The following FNDC3B variants were observed in gnomAD, a reference collection of about 807,000 sequenced individuals.
FNDC3B encodes fibronectin type III domain containing 3B.
FNDC3B carries 12 observed loss-of-function variants against 151.5 expected under a neutral mutation model. That is an observed-to-expected ratio of 0.08 (90% CI 0.05 to 0.13). The LOEUF (loss-of-function observed/expected upper bound fraction) is 0.13. Among genes scored for constraint, FNDC3B ranks in the 10% least tolerant of loss-of-function variants. The probability of loss-of-function intolerance (pLI) is 1.00; values close to 1 mark genes in which losing one functional copy is unlikely to be tolerated. For synonymous variants in FNDC3B, 528 were observed against 549.0 expected, an observed-to-expected ratio of 0.96 and a Z score of 0.54; for missense variants, 1,214 against 1,505.3, an observed-to-expected ratio of 0.81 and a Z score of 3.20.
chr3:172,177,411 T>C (rs1215362378), intron 3 of FNDC3B, among the ~76,000 whole-genome samples: 1 of 152,206 alleles, frequency 6.6e-6, no homozygotes, highest in African/African-American at 2.4e-5. Context: ...TTTGTAGTTG[T>C]AAAACTTTGC....
chr3:172,178,261 G>T (rs1723711706), intron 3 of FNDC3B, among the ~76,000 whole-genome samples: 1 of 152,084 alleles, frequency 6.6e-6, no homozygotes, highest in South Asian at 2.1e-4. Flanking sequence ...AGGCTAAAGT[G>T]TCACTCCAGC....
intron 2 of FNDC3B, among the ~76,000 whole-genome samples, chr3:172,132,048 G>A (rs1040284876): frequency 6.6e-6 from 1 of 152,196 alleles, no homozygotes; most frequent in Non-Finnish European, 1.5e-5. Context: ...GATTGCAGTT[G>A]TAAATTCTAG....
chr3:172,348,472 T>C (rs1733708672), intron 21 of FNDC3B, among the ~76,000 whole-genome samples: 1 of 152,188 alleles, frequency 6.6e-6, no homozygotes, highest in Admixed American at 6.5e-5. Flanking sequence ...CAGCAAATTG[T>C]CTGATATTTA....
chr3:172,365,460 A>C (rs2108347695), intron 23 of FNDC3B, among the ~76,000 whole-genome samples: 1 of 152,312 alleles, frequency 6.6e-6, no homozygotes, highest in South Asian at 2.1e-4. Context: ...AGGCTCTCAA[A>C]GATATTTTTT....
intron 16 of FNDC3B, among the ~76,000 whole-genome samples, chr3:172,339,090 T>C (rs975563808): frequency 2.6e-5 from 4 of 152,128 alleles, no homozygotes; most frequent in South Asian, 2.1e-4. Context: ...ACAGAGAGCA[T>C]TGATAAAACT....
chr3:172,048,660 C>G (rs780033361), intron 1 of FNDC3B, among the ~76,000 whole-genome samples: 40 of 152,188 alleles, frequency 2.6e-4, no homozygotes, highest in Middle Eastern at 3.4e-3. Context: ...TTTATAGCAG[C>G]ATTATTGACA....
intron 6 of FNDC3B, among the ~76,000 whole-genome samples, chr3:172,278,394 A>G (rs1385707378): frequency 6.6e-6 from 1 of 152,190 alleles, no homozygotes; most frequent in Non-Finnish European, 1.5e-5. Flanking sequence ...TTCCTGTTAC[A>G]TACCCAGGGA....
intron 6 of FNDC3B, among the ~76,000 whole-genome samples, chr3:172,259,728 T>A (rs1389170520): frequency 6.6e-6 from 1 of 152,236 alleles, no homozygotes; most frequent in East Asian, 1.9e-4. Flanking sequence ...CTTTATTAAG[T>A]TACATCACTT....
intron 1 of FNDC3B, among the ~76,000 whole-genome samples, chr3:172,084,470 T>TACACACACACACACACAC (rs774135456): frequency 9.2e-4 from 43 of 46,604 alleles, no homozygotes; most frequent in East Asian, 3.8e-3. Context: ...TATGTATATG[T>TACACACACACACACACAC]ATACACACAC....
intron 16 of FNDC3B, 99 bp downstream of exon 16, chr3:172,337,500 TAAAG>T: frequency 1.2e-6 from 1 of 801,498 alleles, no homozygotes; most frequent in Non-Finnish European, 2.1e-6. Context: ...TCATTAATTC[TAAAG>T]ATAGAATTAT....
At chr3:172,261,749 A>G (rs769845719) in intron 6 of FNDC3B, among the ~76,000 whole-genome samples, 3 of 152,218 alleles carry the variant, frequency 2.0e-5, no homozygotes, top group Admixed American at 6.5e-5. Flanking sequence ...AGCTCAGTGC[A>G]TGCAATTTAC....
At chr3:172,378,174 A>T (rs1258307965) in intron 23 of FNDC3B, 96 bp from the exon 24 acceptor site, 1 of 976,216 alleles carries the variant, frequency 1.0e-6, no homozygotes, top group East Asian at 2.5e-5. Context: ...AGCGTTTACC[A>T]GGTTGGCCTA....
intron 9 of FNDC3B, among the ~76,000 whole-genome samples, chr3:172,304,173 G>T (rs1203719405): frequency 1.3e-5 from 2 of 152,140 alleles, no homozygotes; most frequent in African/African-American, 2.4e-5. Flanking sequence ...AGGAAGTATG[G>T]ATTGCTGCCT....
intron 22 of FNDC3B, among the ~76,000 whole-genome samples, chr3:172,355,362 T>A (rs1279779739): frequency 1.3e-5 from 2 of 152,140 alleles, no homozygotes; most frequent in Admixed American, 1.3e-4. Flanking sequence ...GATAAACCTC[T>A]CTATATCTAA....
intron 3 of FNDC3B, among the ~76,000 whole-genome samples, chr3:172,145,043 C>A (rs938078906): frequency 6.6e-6 from 1 of 151,898 alleles, no homozygotes; most frequent in Non-Finnish European, 1.5e-5. Flanking sequence ...TTATTTCCCC[C>A]CTAAGTATTC....
At chr3:172,315,809 C>G (rs1731750601) in intron 11 of FNDC3B, among the ~76,000 whole-genome samples, 1 of 151,932 alleles carries the variant, frequency 6.6e-6, no homozygotes, top group Non-Finnish European at 1.5e-5. Flanking sequence ...TGACTAGATG[C>G]TAGATTTTTC....
chr3:172,142,687 T>A (rs1721686902), intron 3 of FNDC3B, among the ~76,000 whole-genome samples: 1 of 152,234 alleles, frequency 6.6e-6, no homozygotes, highest in African/African-American at 2.4e-5. Context: ...TTAGTCATCT[T>A]TGTATCCCAG....
intron 22 of FNDC3B, among the ~76,000 whole-genome samples, chr3:172,355,594 C>G (rs1734059251): frequency 6.6e-6 from 1 of 152,104 alleles, no homozygotes; most frequent in Non-Finnish European, 1.5e-5. Flanking sequence ...AAACCTTGGC[C>G]CTAGAGCAGT....
intron 4 of FNDC3B, among the ~76,000 whole-genome samples, chr3:172,241,558 G>A (rs536151956): frequency 1.4e-5 from 2 of 145,308 alleles, no homozygotes; most frequent in South Asian, 4.4e-4. Context: ...TTACATGGAT[G>A]GCAGCAAAAA....
Sources: gnomAD v4.1 joint callset for allele counts (sites outside exome capture counted in the v4.1 genomes callset) on GRCh38, gnomAD v4.1.1 for gene constraint, MANE v1.5 for transcripts, NCBI Gene and HGNC (gene_info 2026-07-23, HGNC 2026-07-21) for gene names.